The following COL5A3 variants were observed in gnomAD, a reference collection of about 807,000 sequenced individuals.
The protein encoded by COL5A3 is collagen alpha-3(V) chain.
In COL5A3, 172 loss-of-function variants were observed where a neutral mutation model predicts 250.0. That is an observed-to-expected ratio of 0.69 (90% CI 0.61 to 0.78). COL5A3 has a LOEUF of 0.78. COL5A3 is among the 30% of genes least tolerant of loss of function. The pLI is 0.00. For synonymous variants in COL5A3, 937 were observed against 900.4 expected, an observed-to-expected ratio of 1.04 and a Z score of -0.73; for missense variants, 2,340 against 2,334.4, an observed-to-expected ratio of 1.00 and a Z score of -0.05.
At chr19:9,973,451 C>A in intron 50 of COL5A3, 119 bp downstream of exon 50, 11 of 1,031,356 alleles carry the variant, frequency 1.1e-5, no homozygotes, top group Non-Finnish European at 1.6e-5. Context: ...TCAGGGACGG[C>A]CACAGGACAG....
At chr19:9,990,276 C>G (rs2087166476) in intron 24 of COL5A3, among the ~76,000 whole-genome samples, 1 of 151,196 alleles carries the variant, frequency 6.6e-6, no homozygotes, top group African/African-American at 2.4e-5. Flanking sequence ...CACCTGTAAT[C>G]CCAGCTACCT....
chr19:9,982,035 C>A (rs760115119), intron 32 of COL5A3, 30 bp downstream of exon 32: 4 of 1,576,742 alleles, frequency 2.5e-6, no homozygotes, highest in Admixed American at 3.3e-5. Context: ...ACAAGTTCTC[C>A]CCTCTCCCTT....
intron 38 of COL5A3, 53 bp downstream of exon 38, chr19:9,979,311 A>G (rs1055406702): frequency 6.2e-7 from 1 of 1,609,624 alleles, no homozygotes; most frequent in Non-Finnish European, 8.5e-7. Flanking sequence ...GCTTTCCCCT[A>G]AATATCCCCC....
Position 9,983,590 on chromosome 19 carries a change from AAGAAAGAAAGAGAAAGAG to A in COL5A3, c.2407-1490_2407-1473del, listed in dbSNP as rs1568418805. Among the ~76,000 whole-genome samples the A allele has an allele frequency of 5.8e-3, 442 of 75,638 alleles. 10 individuals carry two copies. The highest frequency in any genetic ancestry group is 0.022 in the African/African-American group (411 of 18,914). The allele number at this position is 75,638 out of a possible 152,430, so 49.6% of individuals were successfully genotyped here. On this transcript the variant is annotated intron_variant, in intron 31 of 66. Transcript: ENST00000264828. ...AAAGAAAGAAAGAAAGAAAGAAAGA[AAGAAAGAAAGAGAAAGAG>A]AGAGAGAGAGAAAGAAAGAAAGAAG...
chr19:9,982,094 G>A lies in COL5A3; in HGVS notation c.2431C>T (p.Leu811=). ...PKGSIGFPGP[L]GPIGEKGKSG... is the part of the protein sequence containing the mutation. ...TTCCCTTTCTCTCCTATGGGTCCCA[G>A]GGGACCGGGAAATCCAATAGATCCC... Residue 811 remains leucine, a synonymous_variant, in exon 32 of 67, where the codon CTG becomes TTG. Transcript: ENST00000264828. 6.2e-7 allele frequency: 1 copy of A among 1,607,726 alleles called. No individual in the cohort carries two copies. Among genetic ancestry groups the A allele is most frequent in the Non-Finnish European group, 8.5e-7 (1 of 1,176,910 alleles).
At chr19:9,989,668 C>G in intron 24 of COL5A3, 146 bp from the exon 25 acceptor site, 1 of 723,238 alleles carries the variant, frequency 1.4e-6, no homozygotes, top group Non-Finnish European at 2.2e-6. Flanking sequence ...TCTGCCCAAA[C>G]TTGCTGTGTG....
rs757881274 is a variant in COL5A3 at position 9,968,523 on chromosome 19, G to A, written c.4207-31C>T. The A allele has an allele frequency of 1.3e-6, 2 of 1,577,598 alleles. No homozygotes were observed. The highest frequency in any genetic ancestry group is 2.3e-5 in the South Asian group (2 of 86,246). On this transcript the variant is annotated intron_variant, in intron 58 of 66. Coordinates refer to ENST00000264828, the MANE Select transcript of COL5A3 (RefSeq NM_015719.4). This position sits in a 1 kb window ranked among gnomAD's most constrained non-coding sequence, Gnocchi z 4.1. ...GGACAAAAGAGGCACAGACAGGGGA[G>A]GACGTGGGAGGATTCAGGGAGGTTT...
intron 1 of COL5A3, 88 bp downstream of exon 1, chr19:10,010,209 CA>C: frequency 1.1e-6 from 1 of 870,436 alleles, no homozygotes; most frequent in Non-Finnish European, 1.6e-6. Flanking sequence ...CCTTCCCCTC[CA>C]CGCCCCTCCA....
rs1385076420 is a variant in COL5A3, at chr19:10,003,582, C to G, written c.832G>C (p.Asp278His). 2 of 1,614,052 alleles carry G rather than the reference C, an allele frequency of 1.2e-6. No individual in the cohort carries two copies. The highest frequency in any genetic ancestry group is 1.7e-6 in the Non-Finnish European group (2 of 1,180,026). The change falls in exon 6 of 67, where the codon GAC becomes CAC. Residue 278 changes from aspartate (D) to histidine (H), a missense_variant. By Grantham distance (81) the Asp-to-His change is moderately conservative. Coordinates refer to ENST00000264828, the MANE Select transcript of COL5A3 (RefSeq NM_015719.4). ...GCCCTTACCTGGTTCTCTGCGGAGTCAGGAGGTGGACTTGAGGTCCAAATT... is the reference window on the plus strand; with the variant it reads ...GCCCTTACCTGGTTCTCTGCGGAGTGAGGAGGTGGACTTGAGGTCCAAATT... ...KEIWTSSPPP[D>H]SAENQTSTDI...
Position 9,960,742 on chromosome 19 carries a change from T to C in COL5A3, c.5000A>G (p.His1667Arg). ...ATTGGTGCCAAGGAAGCGGGCGGAG[T>C]GGCTGTAGTCACCCGTGGCTTCGTC... Reference protein sequence around the residue: ...WLDEATGDYSHSARFLGTNGE... With the variant: ...WLDEATGDYSRSARFLGTNGE... The change falls in exon 66 of 67, where the codon CAC (histidine) becomes CGC (arginine). Residue 1667 changes from histidine (H) to arginine (R), a missense_variant. Transcript: ENST00000264828. 1 of 1,613,824 alleles carries C rather than the reference T, an allele frequency of 6.2e-7. No homozygotes were observed. Among genetic ancestry groups the C allele is most frequent in the East Asian group, 2.2e-5 (1 of 44,866 alleles).
chr19:10,005,663 A>G lies in COL5A3; in HGVS notation c.489T>C (p.Ala163=), dbSNP rs761173092. The part of the protein sequence containing the change: ...SIDGEMVTLV[A]DCEAQPPVLG... ...AAACAGGGGGCTGAGCTTCACAGTC[A>G]GCTACCAGGGTCACCATCTCACCAT... The change falls in exon 4 of 67, where the codon GCT becomes GCC. Residue 163 remains alanine, a synonymous_variant. Coordinates refer to ENST00000264828, the MANE Select transcript of COL5A3 (RefSeq NM_015719.4). The G allele has an allele frequency of 6.2e-7, 1 of 1,613,924 alleles. No homozygotes were observed.
chr19:9,997,283 C>T, intron 11 of COL5A3, 88 bp downstream of exon 11: 2 of 1,003,664 alleles, frequency 2.0e-6, no homozygotes, highest in African/African-American at 1.6e-5. Context: ...CCGAGTGCCA[C>T]ACCCTCATAT....
intron 31 of COL5A3, among the ~76,000 whole-genome samples, chr19:9,983,600 G>GAAAGAAAGAAAGAGAA (rs1278817642): frequency 4.5e-4 from 35 of 77,060 alleles, no homozygotes; most frequent in Non-Finnish European, 6.7e-4. Flanking sequence ...AAGAAAGAAA[G>GAAAGAAAGAAAGAGAA]AGAAAGAGAG....
intron 41 of COL5A3, 104 bp from the exon 42 acceptor site, chr19:9,977,805 A>G (rs1019348487): frequency 4.4e-6 from 4 of 911,926 alleles, no homozygotes; most frequent in Admixed American, 3.6e-5. Flanking sequence ...CCAGGATTGT[A>G]TCTAACCTGT....
chr19:9,974,049 T>C, intron 47 of COL5A3, 77 bp from the exon 48 acceptor site: 1 of 1,509,646 alleles, frequency 6.6e-7, no homozygotes, highest in South Asian at 1.3e-5. Flanking sequence ...CAGATACCAC[T>C]GTCAATGCTG....
In COL5A3 at chr19:9,991,794, C is replaced by T. The variant is rs780927514; in HGVS notation, c.1941G>A (p.Gly647=). 1.1e-5 allele frequency: 17 copies of T among 1,606,344 alleles called. 1 individual carries two copies. In the Admixed American group the frequency reaches 2.7e-4, roughly 26 times the overall value. ...TGGGAAAGACAGTTCAAACCTGGGA[C>T]CCATGGTTTCCCTGCTGTCCCGGAG... ...PGPPGQQGNH[G]SQGLPGPQGL... Residue 647 remains glycine, a synonymous_variant, in exon 23 of 67, where the codon GGG becomes GGA. Transcript: ENST00000264828.
In COL5A3 at chr19:9,967,947, G is replaced by A; in HGVS notation, c.4369-8C>T. The A allele has an allele frequency of 6.2e-7, 1 of 1,612,392 alleles. No individual in the cohort carries two copies. On this transcript the variant is annotated splice_polypyrimidine_tract_variant and splice_region_variant and intron_variant, in intron 60 of 66. Coordinates refer to ENST00000264828, the MANE Select transcript of COL5A3 (RefSeq NM_015719.4). ...TTTCTGTCCTAGAGGGCCCTGTAGGGTACAGACAGGGAGAGCTGAGGTCCT... is the reference window on the plus strand; with the variant it reads ...TTTCTGTCCTAGAGGGCCCTGTAGGATACAGACAGGGAGAGCTGAGGTCCT...
Position 9,974,396 on chromosome 19 carries a change from C to T in COL5A3, c.3355G>A (p.Ala1119Thr). Reference sequence around the variant, plus strand: ...CCTGGGGGTCCCCGGCGCCCCTGAGCCCCGTCTGCTCCCTGGAAGAACACA... The same window carrying T: ...CCTGGGGGTCCCCGGCGCCCCTGAGTCCCGTCTGCTCCCTGGAAGAACACA... ...GHPGPPGADG[A>T]QGRRGPPGLF... The change falls in exon 46 of 67, where the codon GCT (alanine) becomes ACT (threonine). Residue 1119 changes from alanine (A) to threonine (T), a missense_variant. Around this residue, in one of 3 missense-constraint regions of COL5A3, gnomAD observed 1,179 missense variants for 1,162.6 expected, o/e 1.01. Transcript: ENST00000264828. 4 of 1,602,050 alleles carry T rather than the reference C, an allele frequency of 2.5e-6. No individual in the cohort carries two copies. Among genetic ancestry groups the T allele is most frequent in the Non-Finnish European group, 3.4e-6 (4 of 1,175,206 alleles).
intron 24 of COL5A3, among the ~76,000 whole-genome samples, chr19:9,990,392 C>CAAAAAAAAAA (rs879496349): frequency 2.3e-4 from 19 of 81,830 alleles, no homozygotes; most frequent in South Asian, 8.7e-4. Context: ...GAAATTCTGT[C>CAAAAAAAAAA]AAAAAAAAAA....
Sources: gnomAD v4.1 joint callset for allele counts (sites outside exome capture counted in the v4.1 genomes callset) on GRCh38, gnomAD v4.1.1 for gene constraint, gnomAD v4.1.1 regional missense constraint, Gnocchi (gnomAD v3.1) non-coding constraint, MANE v1.5 for transcripts, NCBI Gene and HGNC (gene_info 2026-07-23, HGNC 2026-07-21) for gene names.